Variants in HECTD2 observed in about 807,000 individuals in gnomAD.
HECTD2 encodes the protein HECT domain E3 ubiquitin protein ligase 2, also known as probable E3 ubiquitin-protein ligase HECTD2.
In HECTD2, 35 loss-of-function variants were observed where a neutral mutation model predicts 103.2. That is an observed-to-expected ratio of 0.34 (90% CI 0.26 to 0.45). The LOEUF is 0.45. Among genes scored for constraint, HECTD2 ranks in the 20% least tolerant of loss-of-function variants. The pLI is 1.00. For missense variants in HECTD2, 596 were observed against 937.4 expected (o/e 0.64, Z 4.76); for synonymous variants, 281 against 329.9 (o/e 0.85, Z 1.61).
intron 19 of HECTD2, 125 bp downstream of exon 19, chr10:91,500,742 A>T (rs559298534): frequency 2.0e-6 from 1 of 496,146 alleles, no homozygotes; most frequent in African/African-American, 2.0e-5. Flanking sequence ...AGAGAGTCCC[A>T]CAGTCTTATT....
chr10:91,430,406 A>G (rs1473382067), intron 2 of HECTD2, among the ~76,000 whole-genome samples: 10 of 152,164 alleles, frequency 6.6e-5, no homozygotes, highest in Admixed American at 3.9e-4. Context: ...CGCTTGGTGC[A>G]GAGCTGAGTT....
rs540274015 is a variant in HECTD2 at position 91,474,961 on chromosome 10, AGGCCCTGAGAAGGGAACACAATT to A, written c.601-3236_601-3214del. ...CTAACAGAAGTGACAGCTAATAAAA[AGGCCCTGAGAAGGGAACACAATT>A]GGCAAATTCAGAAATAAGGCTTGTG... On this transcript the variant is annotated intron_variant, in intron 5 of 20. Transcript: ENST00000298068. Among the ~76,000 whole-genome samples the A allele has an allele frequency of 3.3e-5, 5 of 152,330 alleles. No individual in the cohort carries two copies. The South Asian group carries it at 1.0e-3, about 32-fold the overall frequency.
chr10:91,462,353 T>G, intron 5 of HECTD2, 169 bp downstream of exon 5: 1 of 1,099,820 alleles, frequency 9.1e-7, no homozygotes, highest in Non-Finnish European at 1.2e-6. Context: ...TATTCTTTTA[T>G]TTTTTAATTA....
At chr10:91,439,754 T>A (rs1310010587) in intron 2 of HECTD2, among the ~76,000 whole-genome samples, 1 of 152,208 alleles carries the variant, frequency 6.6e-6, no homozygotes, top group East Asian at 1.9e-4. Context: ...CTCTCTTCTT[T>A]CCTTGAGCAG....
chr10:91,430,413 A>C (rs1162319913), intron 2 of HECTD2, among the ~76,000 whole-genome samples: 5 of 152,118 alleles, frequency 3.3e-5, no homozygotes, highest in African/African-American at 1.2e-4. Flanking sequence ...TGCAGAGCTG[A>C]GTTCAATTCC....
intron 4 of HECTD2, 127 bp from the exon 5 acceptor site, chr10:91,461,968 C>T: frequency 8.9e-6 from 6 of 677,526 alleles, no homozygotes; most frequent in African/African-American, 1.9e-5. Context: ...AAATTTTGCC[C>T]TAACAGTTCT....
chr10:91,486,457 C>G (rs1009102064), intron 10 of HECTD2: 1 of 152,186 alleles, frequency 6.6e-6, no homozygotes, highest in African/African-American at 2.4e-5. Flanking sequence ...CCTCTAACAA[C>G]TGTGCCACAA....
intron 2 of HECTD2, among the ~76,000 whole-genome samples, chr10:91,428,774 T>C (rs1340381449): frequency 2.0e-5 from 3 of 152,090 alleles, no homozygotes; most frequent in African/African-American, 7.3e-5. Context: ...AAGGAGATTT[T>C]GGGCTGAGAC....
intron 2 of HECTD2, among the ~76,000 whole-genome samples, chr10:91,433,080 G>A (rs1843961605): frequency 6.6e-6 from 1 of 151,846 alleles, no homozygotes; most frequent in African/African-American, 2.4e-5. Flanking sequence ...TATTTTCAAG[G>A]CCCAAATAAC....
At chr10:91,460,717 G>A (rs1176603901) in intron 3 of HECTD2, 152 bp downstream of exon 3, 2 of 612,616 alleles carry the variant, frequency 3.3e-6, no homozygotes, top group Non-Finnish European at 4.9e-6. Context: ...AGTTGAAGGT[G>A]AAAGAAAACA....
At chr10:91,456,620 G>A (rs1036770655) in intron 2 of HECTD2, among the ~76,000 whole-genome samples, 6 of 152,190 alleles carry the variant, frequency 3.9e-5, no homozygotes, top group African/African-American at 7.2e-5. Flanking sequence ...TATGTTGAAT[G>A]GGAGTGGTGA....
At chr10:91,413,463 T>G (rs1361160933) in intron 1 of HECTD2, among the ~76,000 whole-genome samples, 2 of 152,224 alleles carry the variant, frequency 1.3e-5, no homozygotes, top group Non-Finnish European at 2.9e-5. Flanking sequence ...CAACCTTAGA[T>G]GCACAGTAGA....
At chr10:91,477,745 A>G (rs1156679566) in intron 5 of HECTD2, among the ~76,000 whole-genome samples, 1 of 152,168 alleles carries the variant, frequency 6.6e-6, no homozygotes, top group Non-Finnish European at 1.5e-5. Flanking sequence ...CTATTCTCTT[A>G]TAAACTAAAG....
intron 1 of HECTD2, among the ~76,000 whole-genome samples, chr10:91,420,462 G>A (rs1843309529): frequency 1.3e-5 from 2 of 151,382 alleles, no homozygotes; most frequent in Admixed American, 1.3e-4. Flanking sequence ...GGTGGCATGT[G>A]CCTATAATCC....
chr10:91,422,776 C>T (rs542452868), intron 1 of HECTD2, among the ~76,000 whole-genome samples: 1 of 152,168 alleles, frequency 6.6e-6, no homozygotes, highest in African/African-American at 2.4e-5. Context: ...AATTTTCTCT[C>T]TTATCTTTGA....
In HECTD2 at chr10:91,457,961, A is replaced by G. The variant is rs573177649; in HGVS notation, c.269-2466A>G. On this transcript the variant is annotated intron_variant, in intron 2 of 20. Coordinates refer to ENST00000298068, the MANE Select transcript of HECTD2 (RefSeq NM_182765.6). ...AGAAGGCAAAAAGAAGAAAAAAGAC[A>G]TACAGATTAGAAAATAAGAAATAAG... 1.8e-4 allele frequency among the ~76,000 whole-genome samples: 27 copies of G among 151,600 alleles called. 1 individual carries two copies. The South Asian group carries it at 5.6e-3, about 32-fold the overall frequency.
At chr10:91,409,338 A>C (rs1373623115), upstream of HECTD2, 1 of 152,214 alleles carries the variant, frequency 6.6e-6, no homozygotes, top group South Asian at 2.1e-4. Flanking sequence ...TTTTAATTTC[A>C]TAATTAAAAG....
intron 20 of HECTD2, among the ~76,000 whole-genome samples, chr10:91,503,948 G>A (rs111583851): frequency 0.098 from 14,938 of 152,220 alleles, 1,585 homozygotes; most frequent in African/African-American, 0.27. Flanking sequence ...GCAGACTGCC[G>A]CCTCAAGTGG....
chr10:91,414,264 A>T (rs1459582044), intron 1 of HECTD2, among the ~76,000 whole-genome samples: 2 of 152,162 alleles, frequency 1.3e-5, no homozygotes, highest in Non-Finnish European at 2.9e-5. Context: ...TTAGTTGAGA[A>T]TTTTAAAGGG....
Sources: gnomAD v4.1 joint callset for allele counts (sites outside exome capture counted in the v4.1 genomes callset) on GRCh38, gnomAD v4.1.1 for gene constraint, MANE v1.5 for transcripts, NCBI Gene and HGNC (gene_info 2026-07-23, HGNC 2026-07-21) for gene names.